GTF2A1L: variants seen among roughly 807,000 people sequenced by gnomAD.
GTF2A1L encodes the protein general transcription factor IIA subunit 1 like, also known as TFIIA-alpha and beta-like factor.
GTF2A1L carries 48 observed loss-of-function variants against 49.7 expected under a neutral mutation model. That is an observed-to-expected ratio of 0.97 (90% CI 0.77 to 1.23). The LOEUF (loss-of-function observed/expected upper bound fraction) is 1.23, where lower values mean the gene tolerates loss of function less well. Among genes scored for constraint, GTF2A1L ranks in the 50% most tolerant of loss-of-function variants. The probability of loss-of-function intolerance (pLI) is 0.00; values close to 1 mark genes in which losing one functional copy is unlikely to be tolerated. For synonymous variants in GTF2A1L, 246 were observed against 193.5 expected, an observed-to-expected ratio of 1.27 and a Z score of -2.25; for missense variants, 736 against 564.8, an observed-to-expected ratio of 1.30 and a Z score of -3.07.
At chr2:48,619,469 C>CA (rs34874672) in intron 1 of GTF2A1L, among the ~76,000 whole-genome samples, 23,599 of 133,226 alleles carry the variant, frequency 0.18, 2,307 homozygotes, top group South Asian at 0.25. Context: ...GACTCCATCT[C>CA]AAAAAAAAAA....
At position 48,624,195 on chromosome 2, in the gene GTF2A1L, A is replaced by T. The variant is rs143822810; in HGVS notation, c.247+2905A>T. On this transcript the variant is annotated intron_variant, in intron 3 of 8. Coordinates refer to ENST00000403751, the MANE Select transcript of GTF2A1L (RefSeq NM_006872.5). ...ATTAAGGACCCCAAATAGCTTTTAA[A>T]ATGTGGGTTGTAAGTATCTATTTAC... Among the ~76,000 whole-genome samples the T allele has an allele frequency of 7.2e-4, 104 of 144,166 alleles. 7 individuals carry two copies. Among genetic ancestry groups the T allele is most frequent in the African/African-American group, 2.5e-3 (100 of 40,626 alleles). 94.6% of individuals were successfully genotyped at this position (144,166 alleles called of 152,430 possible).
intron 1 of GTF2A1L, 66 bp downstream of exon 1, chr2:48,617,961 C>G (rs1282160011): frequency 2.7e-6 from 4 of 1,478,360 alleles, no homozygotes; most frequent in East Asian, 2.5e-5. Context: ...GGCAGCCGAA[C>G]CCTGCACCTT....
chr2:48,645,000 T>C, intron 4 of GTF2A1L, 33 bp from the exon 5 acceptor site: 1 of 1,573,314 alleles, frequency 6.4e-7, no homozygotes, highest in Non-Finnish European at 8.6e-7. Flanking sequence ...AAAGTCCTTT[T>C]CTAACTTTCT....
At chr2:48,668,969 C>A (rs1221354638) in intron 6 of GTF2A1L, among the ~76,000 whole-genome samples, 3 of 151,996 alleles carry the variant, frequency 2.0e-5, no homozygotes, top group Non-Finnish European at 4.4e-5. Flanking sequence ...TCTACGTGAC[C>A]AGAGGTGATT....
chr2:48,658,568 T>C (rs1448740049), intron 6 of GTF2A1L, among the ~76,000 whole-genome samples: 1 of 152,192 alleles, frequency 6.6e-6, no homozygotes, highest in Non-Finnish European at 1.5e-5. Flanking sequence ...TTGTCTGTGA[T>C]TGTTTTGGCT....
chr2:48,633,249 C>G lies in GTF2A1L; in HGVS notation c.248-9153C>G, dbSNP rs559334663. ...CTCTGTCCTACTGACTATCTTCTTC[C>G]CCACCCCCCCGTCCCACTTCCAGGC... On this transcript the variant is annotated intron_variant, in intron 3 of 8. Coordinates refer to ENST00000403751, the MANE Select transcript of GTF2A1L (RefSeq NM_006872.5). 1.0e-3 allele frequency: 172 copies of G among 168,964 alleles called. 1 individual carries two copies. Among genetic ancestry groups the G allele is most frequent in the South Asian group, 5.3e-3 (32 of 6,004 alleles). The allele number at this position is 168,964 out of a possible 1,614,324, so 10.5% of individuals were successfully genotyped here.
At chr2:48,635,042 G>A (rs927348597) in intron 3 of GTF2A1L, among the ~76,000 whole-genome samples, 16 of 152,196 alleles carry the variant, frequency 1.1e-4, no homozygotes, top group African/African-American at 3.9e-4. Context: ...ACAGTGATGA[G>A]GGGCAGCCTA....
chr2:48,621,223 C>T lies in GTF2A1L; in HGVS notation c.180C>T (p.Ser60=). The T allele has an allele frequency of 6.2e-7, 1 of 1,614,086 alleles. No homozygotes were observed. The highest frequency in any genetic ancestry group is 1.3e-5 in the African/African-American group (1 of 75,028). ...SKATEDFFRN[S]IQSPLFTLQL... The stretch of plus-strand genomic sequence containing the variant: ...CAACAGAAGACTTCTTCAGAAATAG[C>T]ATCCAATCACCTCTGTTTACTCTTC... The change falls in exon 3 of 9, where the codon AGC becomes AGT. Residue 60 remains serine, a synonymous_variant. Coordinates refer to ENST00000403751, the MANE Select transcript of GTF2A1L (RefSeq NM_006872.5).
At chr2:48,671,780 A>G (rs1196644729) in intron 8 of GTF2A1L, 100 bp downstream of exon 8, 6 of 1,154,150 alleles carry the variant, frequency 5.2e-6, no homozygotes, top group Non-Finnish European at 6.1e-6. Flanking sequence ...ACACTTCACA[A>G]TTAATCAAAA....
chr2:48,640,062 G>A (rs1318636302), intron 3 of GTF2A1L, among the ~76,000 whole-genome samples: 2 of 152,172 alleles, frequency 1.3e-5, no homozygotes, highest in African/African-American at 2.4e-5. Context: ...TACTGGTGAG[G>A]TTGCAGAGAA....
intron 1 of GTF2A1L, among the ~76,000 whole-genome samples, chr2:48,618,724 T>G (rs1027279466): frequency 6.6e-6 from 1 of 152,252 alleles, no homozygotes; most frequent in Non-Finnish European, 1.5e-5. Flanking sequence ...AAGGTTACTA[T>G]GTATGCCAAT....
intron 6 of GTF2A1L, among the ~76,000 whole-genome samples, chr2:48,655,216 T>C (rs976180627): frequency 6.6e-6 from 1 of 151,848 alleles, no homozygotes; most frequent in Non-Finnish European, 1.5e-5. Flanking sequence ...TATTCTGTTA[T>C]ATTTTTATCT....
intron 3 of GTF2A1L, chr2:48,633,196 C>G: frequency 4.7e-6 from 1 of 214,074 alleles, no homozygotes; most frequent in Non-Finnish European, 1.0e-5. Flanking sequence ...TCAGGGCCTT[C>G]TGCGGAGGCA....
In GTF2A1L at chr2:48,627,932, G is replaced by T. The variant is rs1404067789; in HGVS notation, c.247+6642G>T. On this transcript the variant is annotated intron_variant, in intron 3 of 8. Coordinates refer to ENST00000403751, the MANE Select transcript of GTF2A1L (RefSeq NM_006872.5). ...TCTTGTTGGCATCTTTATGTCCATG[G>T]GTACTCAATGTTTAGCTTCTATTTG... 1.4e-5 allele frequency among the ~76,000 whole-genome samples: 2 copies of T among 143,330 alleles called. 1 individual carries two copies. Among genetic ancestry groups the T allele is most frequent in the Non-Finnish European group, 3.1e-5 (2 of 63,704 alleles). 94.0% of individuals were successfully genotyped at this position (143,330 alleles called of 152,430 possible). A position where few individuals can be genotyped will look rare whatever the true frequency, so the allele number is the denominator to read the frequency against.
chr2:48,654,659 CAG>C (rs1165439404), intron 6 of GTF2A1L, among the ~76,000 whole-genome samples: 2 of 152,292 alleles, frequency 1.3e-5, no homozygotes, highest in South Asian at 2.1e-4. Flanking sequence ...GCTGGGGAAA[CAG>C]GGGTGAGCCA....
intron 6 of GTF2A1L, among the ~76,000 whole-genome samples, chr2:48,668,869 C>T (rs939137303): frequency 1.4e-5 from 2 of 144,958 alleles, no homozygotes; most frequent in African/African-American, 5.7e-5. Context: ...AATAAATACA[C>T]AAATAAATTA....
chr2:48,655,033 G>C (rs929150432), intron 6 of GTF2A1L, among the ~76,000 whole-genome samples: 1 of 151,994 alleles, frequency 6.6e-6, no homozygotes, highest in African/African-American at 2.4e-5. Context: ...TTTCTAAAAA[G>C]AAAAATTGCT....
At chr2:48,662,864 G>C (rs990549231) in intron 6 of GTF2A1L, among the ~76,000 whole-genome samples, 1 of 151,888 alleles carries the variant, frequency 6.6e-6, no homozygotes, top group Admixed American at 6.6e-5. Context: ...TAAACAACAA[G>C]AACACGTGGA....
chr2:48,669,092 C>G (rs889341176), intron 6 of GTF2A1L, among the ~76,000 whole-genome samples: 2 of 152,152 alleles, frequency 1.3e-5, no homozygotes, highest in Non-Finnish European at 2.9e-5. Context: ...TAAGTACATT[C>G]ACAATGTTGT....
Sources: allele counts gnomAD v4.1 joint callset (sites outside exome capture counted in the v4.1 genomes callset), GRCh38; gene constraint gnomAD v4.1.1; transcripts MANE v1.5; gene names NCBI Gene and HGNC (gene_info 2026-07-23, HGNC 2026-07-21).